DIP2A: variants seen among roughly 807,000 people sequenced by gnomAD.
DIP2A encodes the protein disco-interacting protein 2 homolog A.
In DIP2A, 85 loss-of-function variants were observed where a neutral mutation model predicts 177.4. The ratio of observed to expected loss-of-function variants is 0.48; its 90% CI spans 0.40 to 0.57. DIP2A has a LOEUF of 0.57. DIP2A is among the 20% of genes least tolerant of loss of function. The pLI is 0.00. For synonymous variants in DIP2A, 886 were observed against 881.8 expected (o/e 1.00, Z -0.08); for missense variants, 1,791 against 2,100.2 (o/e 0.85, Z 2.88).
At chr21:46,532,627 T>C (rs1322998874) in intron 10 of DIP2A, among the ~76,000 whole-genome samples, 1 of 152,326 alleles carries the variant, frequency 6.6e-6, no homozygotes, top group East Asian at 1.9e-4. Context: ...ATAATTATTA[T>C]TTCTTAGGGA....
intron 8 of DIP2A, 50 bp downstream of exon 8, chr21:46,511,664 C>T (rs2058320410): frequency 2.7e-6 from 4 of 1,463,426 alleles, no homozygotes; most frequent in Middle Eastern, 3.7e-4. Context: ...TGTAGAATGT[C>T]ACACACATAA....
chr21:46,579,652 C>T, the DIP2A span, among the ~76,000 whole-genome samples: 1 of 152,098 alleles, frequency 6.6e-6, no homozygotes, highest in African/African-American at 2.4e-5. Flanking sequence ...GGTATATTGT[C>T]TCTTTGTTCT....
At chr21:46,477,714 C>T (rs2056023370) in intron 1 of DIP2A, among the ~76,000 whole-genome samples, 1 of 149,820 alleles carries the variant, frequency 6.7e-6, no homozygotes, top group Non-Finnish European at 1.5e-5. Flanking sequence ...GCTGGGATTA[C>T]AGGAACGCAC....
In DIP2A at chr21:46,534,126, C is replaced by T; in HGVS notation, c.1539+13C>T. The T allele has an allele frequency of 6.3e-7, 1 of 1,591,392 alleles. No individual in the cohort carries two copies. The highest frequency in any genetic ancestry group is 1.1e-5 in the South Asian group (1 of 90,346). ...TGCCTACATTGAGGTAATGACTGTT[C>T]CTAACTTAGAGAATGTAAAAACATG... On this transcript the variant is annotated intron_variant, in intron 12 of 37. Transcript: ENST00000417564.
intron 36 of DIP2A, among the ~76,000 whole-genome samples, 168 bp downstream of exon 36, chr21:46,566,055 C>T (rs151326350): frequency 6.6e-6 from 1 of 152,322 alleles, no homozygotes; most frequent in East Asian, 1.9e-4. Context: ...ACTGTTTTCC[C>T]TCCATGACTG....
chr21:46,493,987 A>G (rs1365884341), intron 3 of DIP2A, among the ~76,000 whole-genome samples: 1 of 152,094 alleles, frequency 6.6e-6, no homozygotes, highest in Non-Finnish European at 1.5e-5. Context: ...CGGATATGTT[A>G]TTTCATTTAG....
intron 1 of DIP2A, among the ~76,000 whole-genome samples, chr21:46,466,053 GAA>G (rs886743401): frequency 6.6e-6 from 1 of 152,114 alleles, no homozygotes; most frequent in Non-Finnish European, 1.5e-5. Context: ...TCAAAATTTT[GAA>G]AAAATTTATC....
At chr21:46,513,754 C>G (rs866149990) in intron 8 of DIP2A, among the ~76,000 whole-genome samples, 42 of 152,142 alleles carry the variant, frequency 2.8e-4, no homozygotes, top group Middle Eastern at 3.4e-3. Flanking sequence ...ACATGATGCT[C>G]AAAGAAAATG....
intron 11 of DIP2A, 54 bp downstream of exon 11, chr21:46,533,701 A>G: frequency 1.2e-6 from 2 of 1,605,720 alleles, no homozygotes; most frequent in Non-Finnish European, 8.5e-7. Flanking sequence ...TCTGTGTTAA[A>G]TGCATGGTGT....
chr21:46,557,131 T>G lies in DIP2A; in HGVS notation c.3629+62T>G. 1 of 1,516,488 alleles carries G rather than the reference T, an allele frequency of 6.6e-7. No homozygotes were observed. The highest frequency in any genetic ancestry group is 8.9e-7 in the Non-Finnish European group (1 of 1,125,618). The allele number at this position is 1,516,488 out of a possible 1,614,324, so 93.9% of individuals were successfully genotyped here. A position where few individuals can be genotyped will look rare whatever the true frequency, so the allele number is the denominator to read the frequency against. On this transcript the variant is annotated intron_variant, in intron 30 of 37. Coordinates refer to ENST00000417564, the MANE Select transcript of DIP2A (RefSeq NM_015151.4). The surrounding 1 kb of genome is among the most constrained non-coding windows in gnomAD (Gnocchi z 6.0). ...CAGCTCGTGTGGCTCTTAGGAACCT[T>G]GGCCTTCTAAGGCACCTTTTCTGGG...
At chr21:46,473,363 C>T (rs570354255) in intron 1 of DIP2A, among the ~76,000 whole-genome samples, 6 of 149,096 alleles carry the variant, frequency 4.0e-5, no homozygotes, top group Non-Finnish European at 5.9e-5. Context: ...TTTGATAGGC[C>T]GATGTGGGAG....
chr21:46,529,249 T>G, intron 9 of DIP2A, 66 bp downstream of exon 9: 1 of 976,182 alleles, frequency 1.0e-6, no homozygotes, highest in Non-Finnish European at 1.5e-6. Flanking sequence ...TCTGTTTCAT[T>G]GAAATTAGTG....
rs755076466 is a variant in DIP2A, at chr21:46,539,880, C to T, written c.1925C>T (p.Ser642Leu). 9 of 1,613,292 alleles carry T rather than the reference C, an allele frequency of 5.6e-6. No homozygotes were observed. The highest frequency in any genetic ancestry group is 2.7e-5 in the African/African-American group (2 of 74,912). Residue 642 changes from serine (S) to leucine (L), a missense_variant, in exon 17 of 38, where the codon TCG becomes TTG. Ser to Leu is a moderately radical substitution (Grantham distance 145). Transcript: ENST00000417564. ...CCACTCTTGTTGCTCTGTGCAGGGTCGATCTCCTCCTGTGACGCCTTCCTC... is the reference window on the plus strand; with the variant it reads ...CCACTCTTGTTGCTCTGTGCAGGGTTGATCTCCTCCTGTGACGCCTTCCTC... The part of the protein sequence containing the change: ...LIVADGANPW[S>L]ISSCDAFLNV...
rs751396179 is a variant in DIP2A, at chr21:46,570,015, A to G, written c.*2393A>G. ...TAATAAATTATAGACTTTAAAATCT[A>G]TTACATATATTCTTCTACATGTTTC... On this transcript the variant is annotated 3_prime_UTR_variant, in exon 38 of 38. Coordinates refer to ENST00000417564, the MANE Select transcript of DIP2A (RefSeq NM_015151.4). Among the ~76,000 whole-genome samples the G allele has an allele frequency of 4.5e-4, 68 of 152,336 alleles. No individual in the cohort carries two copies. The highest frequency in any genetic ancestry group is 5.4e-4 in the Non-Finnish European group (37 of 68,026).
chr21:46,549,915 G>A, intron 22 of DIP2A, 30 bp downstream of exon 22: 1 of 1,606,472 alleles, frequency 6.2e-7, no homozygotes, highest in East Asian at 2.2e-5. Context: ...CTATGGTTCG[G>A]TGAATCTCCC....
Position 46,498,865 on chromosome 21 carries a change from A to G in DIP2A, c.655+32A>G. ...AATAAGCTGCTGCGGCCCCTGTGCC[A>G]GCAGAGCGGGGTCAGGAGTGTCCAG... is the stretch of plus-strand genomic sequence containing the variant. On this transcript the variant is annotated intron_variant, in intron 5 of 37. Coordinates refer to ENST00000417564, the MANE Select transcript of DIP2A (RefSeq NM_015151.4). The surrounding 1 kb of genome is among the most constrained non-coding windows in gnomAD (Gnocchi z 4.3). The G allele has an allele frequency of 6.3e-7, 1 of 1,583,508 alleles. No homozygotes were observed. The highest frequency in any genetic ancestry group is 1.7e-5 in the Admixed American group (1 of 57,244).
At chr21:46,495,230 T>TC (rs753839742) in intron 3 of DIP2A, among the ~76,000 whole-genome samples, 396 of 64,610 alleles carry the variant, frequency 6.1e-3, no homozygotes, top group African/African-American at 0.013. Flanking sequence ...TTCTCTTCTC[T>TC]TCTCTTCTCT....
intron 8 of DIP2A, among the ~76,000 whole-genome samples, chr21:46,522,085 C>A (rs1367305557): frequency 6.6e-6 from 1 of 152,292 alleles, no homozygotes; most frequent in Non-Finnish European, 1.5e-5. Flanking sequence ...CTAATTTAGA[C>A]CAAATGCCTA....
At position 46,511,404 on chromosome 21, in the gene DIP2A, A is replaced by G; in HGVS notation, c.905-13A>G. ...CTGAATTGCTGATTTTAAAGTTTTG[A>G]TTTTGCTTGTAGTTCAGCAACCAGA... On this transcript the variant is annotated splice_polypyrimidine_tract_variant and intron_variant, in intron 7 of 37. Transcript: ENST00000417564. The G allele has an allele frequency of 6.3e-7, 1 of 1,595,802 alleles. No individual in the cohort carries two copies. The highest frequency in any genetic ancestry group is 2.3e-5 in the East Asian group (1 of 43,964).
Sources: allele counts gnomAD v4.1 joint callset (sites outside exome capture counted in the v4.1 genomes callset), GRCh38; gene constraint gnomAD v4.1.1; non-coding constraint Gnocchi (gnomAD v3.1); transcripts MANE v1.5; gene names NCBI Gene and HGNC (gene_info 2026-07-23, HGNC 2026-07-21).